ME2: variants seen among roughly 807,000 people sequenced by gnomAD.
The protein encoded by ME2 is NAD-dependent malic enzyme, mitochondrial.
In ME2, 60 loss-of-function variants were observed where a neutral mutation model predicts 73.7. That is an observed-to-expected ratio of 0.81 (90% CI 0.66 to 1.01). The LOEUF (loss-of-function observed/expected upper bound fraction) is 1.01. Among genes scored for constraint, ME2 ranks in the 50% least tolerant of loss-of-function variants. ME2 has a pLI of 0.00. For synonymous variants in ME2, 199 were observed against 236.9 expected, an observed-to-expected ratio of 0.84 and a Z score of 1.47; for missense variants, 594 against 705.5, an observed-to-expected ratio of 0.84 and a Z score of 1.79.
chr18:50,929,485 C>CAAA (rs57774392), intron 12 of ME2, among the ~76,000 whole-genome samples: 5 of 123,076 alleles, frequency 4.1e-5, no homozygotes, highest in East Asian at 2.4e-4. Flanking sequence ...AAGACTGTCT[C>CAAA]AAAAAAAAAA....
chr18:50,920,040 T>C (rs1917382745), intron 7 of ME2, among the ~76,000 whole-genome samples: 1 of 152,198 alleles, frequency 6.6e-6, no homozygotes, highest in African/African-American at 2.4e-5. Context: ...ACATCTTCTT[T>C]TTCTGAATGT....
Position 50,920,685 on chromosome 18 carries a change from G to A in ME2, c.869G>A (p.Gly290Asp). The change falls in exon 9 of 16, where the codon GGT (glycine) becomes GAT (aspartate). Residue 290 changes from glycine to aspartate, a missense_variant. Gly to Asp is a moderately conservative substitution (Grantham distance 94). Transcript: ENST00000321341. ...IQGTAAVALA[G>D]LLAAQKVISK... ...GGGACAGCTGCAGTAGCTCTAGCAGGTCTTCTTGCAGCACAAAAAGTTATT... is the reference window on the plus strand; with the variant it reads ...GGGACAGCTGCAGTAGCTCTAGCAGATCTTCTTGCAGCACAAAAAGTTATT... 6.2e-7 allele frequency: 1 copy of A among 1,612,236 alleles called. No individual in the cohort carries two copies. The highest frequency in any genetic ancestry group is 8.5e-7 in the Non-Finnish European group (1 of 1,179,610).
chr18:50,911,780 T>G (rs981468049), intron 3 of ME2, among the ~76,000 whole-genome samples: 2 of 152,218 alleles, frequency 1.3e-5, no homozygotes, highest in Non-Finnish European at 2.9e-5. Flanking sequence ...GCAGAGGTTT[T>G]GTTAACTATT....
intron 1 of ME2, among the ~76,000 whole-genome samples, chr18:50,884,956 G>A (rs1482183908): frequency 6.6e-6 from 1 of 152,068 alleles, no homozygotes; most frequent in East Asian, 1.9e-4. Flanking sequence ...TCGGGTTCAA[G>A]CAATTCTCCC....
At chr18:50,919,780 G>A (rs986964258) in intron 7 of ME2, among the ~76,000 whole-genome samples, 5 of 151,704 alleles carry the variant, frequency 3.3e-5, no homozygotes, top group African/African-American at 9.7e-5. Flanking sequence ...GTTTCTACAT[G>A]GGATGCAGAA....
chr18:50,924,056 T>C (rs904305094), intron 10 of ME2, 42 bp from the exon 11 acceptor site: 2 of 1,182,378 alleles, frequency 1.7e-6, no homozygotes, highest in Middle Eastern at 1.9e-4. Context: ...ATCTTTAATA[T>C]GCATTGACTA....
Position 50,940,329 on chromosome 18 carries a change from G to A in ME2, c.1530G>A (p.Gly510=). ...SQLTDEELAQ[G]RLYPPLANIQ... ...TGACAGATGAAGAGCTAGCCCAAGG[G>A]AGACTTTACCCACCGCTTGCTAATA... is the stretch of plus-strand genomic sequence containing the variant. Residue 510 remains glycine, a synonymous_variant, in exon 15 of 16, where the codon GGG becomes GGA. Transcript: ENST00000321341. The A allele has an allele frequency of 1.2e-6, 2 of 1,611,494 alleles. No homozygotes were observed. The highest frequency in any genetic ancestry group is 1.3e-5 in the African/African-American group (1 of 74,846).
intron 7 of ME2, among the ~76,000 whole-genome samples, chr18:50,919,110 C>T (rs1917360373): frequency 6.6e-6 from 1 of 152,114 alleles, no homozygotes; most frequent in Non-Finnish European, 1.5e-5. Context: ...ACTTAAATGT[C>T]TCCTGTTTTC....
chr18:50,952,321 T>C lies in ME2; in HGVS notation c.*5137T>C, dbSNP rs1242708968. 1 of 152,226 alleles carries C rather than the reference T, an allele frequency of 6.6e-6. No individual in the cohort carries two copies. Among genetic ancestry groups the C allele is most frequent in the Non-Finnish European group, 1.5e-5 (1 of 68,046 alleles). 9.4% of individuals were successfully genotyped at this position (152,226 alleles called of 1,614,324 possible). A position where few individuals can be genotyped will look rare whatever the true frequency, so the allele number is the denominator to read the frequency against. ...TTTCAGTAAGTTCAGGTGGGCCTAA[T>C]TAAGACATGACTATTATTACAAATC... On this transcript the variant is annotated 3_prime_UTR_variant, in exon 16 of 16. Transcript: ENST00000321341.
At chr18:50,903,553 A>C (rs1916940567) in intron 2 of ME2, among the ~76,000 whole-genome samples, 1 of 151,950 alleles carries the variant, frequency 6.6e-6, no homozygotes. Context: ...CAGGCTTAGG[A>C]GATCCTCCCA....
chr18:50,949,143 T>C lies in ME2; in HGVS notation c.*1959T>C, dbSNP rs1918163803. The C allele has an allele frequency of 6.6e-6, 1 of 152,200 alleles. No homozygotes were observed. The highest frequency in any genetic ancestry group is 1.5e-5 in the Non-Finnish European group (1 of 68,036). 9.4% of individuals were successfully genotyped at this position (152,200 alleles called of 1,614,324 possible). A position where few individuals can be genotyped will look rare whatever the true frequency, so the allele number is the denominator to read the frequency against. On this transcript the variant is annotated 3_prime_UTR_variant, in exon 16 of 16. Transcript: ENST00000321341. ...GCGTGAGCCACCACACCTGGTCCAATTCATCATAATTCTGAATATAATTTA... is the reference window on the plus strand; with the variant it reads ...GCGTGAGCCACCACACCTGGTCCAACTCATCATAATTCTGAATATAATTTA...
rs145203064 is a variant in ME2, at chr18:50,914,474, G to A, written c.392+1524G>A. Among the ~76,000 whole-genome samples, 1,459 of 152,246 alleles carry A rather than the reference G, an allele frequency of 9.6e-3. 12 individuals are homozygous for A. Among genetic ancestry groups the A allele is most frequent in the Middle Eastern group, 0.017 (5 of 292 alleles). On this transcript the variant is annotated intron_variant, in intron 4 of 15. Transcript: ENST00000321341. ...TGAGAACTGACTTGAAACATGAAGAGCATGGCTTATGTGTGAGGGCAAATA... is the reference window on the plus strand; with the variant it reads ...TGAGAACTGACTTGAAACATGAAGAACATGGCTTATGTGTGAGGGCAAATA...
chr18:50,908,218 C>CT, intron 3 of ME2, 22 bp downstream of exon 3: 2 of 1,542,032 alleles, frequency 1.3e-6, no homozygotes, highest in Non-Finnish European at 1.7e-6. Flanking sequence ...TTAGATGTTT[C>CT]TTTTTTTATT....
intron 12 of ME2, among the ~76,000 whole-genome samples, chr18:50,926,687 A>T (rs866872916): frequency 7.2e-5 from 11 of 152,062 alleles, no homozygotes; most frequent in Non-Finnish European, 1.0e-4. Context: ...TTCTATATTT[A>T]CTATCTCTCT....
rs1222383491 is a variant in ME2 at position 50,950,512 on chromosome 18, T to A, written c.*3328T>A. 2 of 103,746 alleles carry A rather than the reference T, an allele frequency of 1.9e-5. No individual in the cohort carries two copies. Among genetic ancestry groups the A allele is most frequent in the Admixed American group, 1.3e-4 (1 of 7,782 alleles). The allele number at this position is 103,746 out of a possible 1,614,324, so 6.4% of individuals were successfully genotyped here. A position where few individuals can be genotyped will look rare whatever the true frequency, so the allele number is the denominator to read the frequency against. ...TTTTTTTTTAAACAGGGTCTCTTTCTTTTTCCTTTCTCACTCAGGCTGCAG... is the reference window on the plus strand; with the variant it reads ...TTTTTTTTTAAACAGGGTCTCTTTCATTTTCCTTTCTCACTCAGGCTGCAG... On this transcript the variant is annotated 3_prime_UTR_variant, in exon 16 of 16. Coordinates refer to ENST00000321341, the MANE Select transcript of ME2 (RefSeq NM_002396.5).
chr18:50,928,337 C>T (rs1200809760), intron 12 of ME2, among the ~76,000 whole-genome samples: 1 of 151,534 alleles, frequency 6.6e-6, no homozygotes, highest in African/African-American at 2.4e-5. Context: ...ACTCTGCCTC[C>T]CAGGTTCACA....
rs1033138116 is a variant in ME2 at position 50,939,944 on chromosome 18, A to G, written c.1488+304A>G. 3 of 423,338 alleles carry G rather than the reference A, an allele frequency of 7.1e-6. No individual in the cohort carries two copies. The Admixed American group carries it at 1.2e-4, about 17-fold the overall frequency. The allele number at this position is 423,338 out of a possible 1,614,324, so 26.2% of individuals were successfully genotyped here. A position where few individuals can be genotyped will look rare whatever the true frequency, so the allele number is the denominator to read the frequency against. ...ATGTTTTTAATGGACAAGTACTGGT[A>G]TTATTTGGAGTGCTGGCCTATGGGA... is the stretch of plus-strand genomic sequence containing the variant. On this transcript the variant is annotated intron_variant, in intron 14 of 15. Transcript: ENST00000321341.
chr18:50,883,443 T>C lies in ME2; in HGVS notation c.-13+4135T>C, dbSNP rs557965524. Among the ~76,000 whole-genome samples, 4 of 152,328 alleles carry C rather than the reference T, an allele frequency of 2.6e-5. No individual in the cohort carries two copies. The East Asian group carries it at 7.7e-4, about 29-fold the overall frequency. On this transcript the variant is annotated intron_variant, in intron 1 of 15. Coordinates refer to ENST00000321341, the MANE Select transcript of ME2 (RefSeq NM_002396.5). ...CTTTAGTCCCAGTCCAGTTTGTAAA[T>C]ACCACCCAGAGGGTGAGTTCCACTG...
In ME2 at chr18:50,948,358, A is replaced by G. The variant is rs1004509248; in HGVS notation, c.*1174A>G. On this transcript the variant is annotated 3_prime_UTR_variant, in exon 16 of 16. Transcript: ENST00000321341. ...TGTGGCTTGCATATTGAAGAATTCTAAAGGAAAATATATCTGCCTACCATG... is the reference window on the plus strand; with the variant it reads ...TGTGGCTTGCATATTGAAGAATTCTGAAGGAAAATATATCTGCCTACCATG... The G allele has an allele frequency of 2.0e-5, 3 of 152,122 alleles. No individual in the cohort carries two copies. The highest frequency in any genetic ancestry group is 2.1e-4 in the South Asian group (1 of 4,830). 9.4% of individuals were successfully genotyped at this position (152,122 alleles called of 1,614,324 possible).
Sources: allele counts gnomAD v4.1 joint callset (sites outside exome capture counted in the v4.1 genomes callset), GRCh38; gene constraint gnomAD v4.1.1; transcripts MANE v1.5; gene names NCBI Gene and HGNC (gene_info 2026-07-23, HGNC 2026-07-21).